The following LRRC8D variants were observed in gnomAD, a reference collection of about 807,000 sequenced individuals.
The protein encoded by LRRC8D is leucine rich repeat containing 8 VRAC subunit D, also known as volume-regulated anion channel subunit LRRC8D.
In LRRC8D, 20 loss-of-function variants were observed where a neutral mutation model predicts 55.8. The ratio of observed to expected loss-of-function variants is 0.36; its 90% CI spans 0.25 to 0.52. The LOEUF (loss-of-function observed/expected upper bound fraction) is 0.52. LRRC8D is among the 20% of genes least tolerant of loss of function. LRRC8D has a pLI of 0.93. For missense variants in LRRC8D, 651 were observed against 1,030.8 expected, an observed-to-expected ratio of 0.63 and a Z score of 5.05; for synonymous variants, 352 against 377.0, an observed-to-expected ratio of 0.93 and a Z score of 0.77.
intron 2 of LRRC8D, among the ~76,000 whole-genome samples, chr1:89,880,532 A>G (rs559332857): frequency 2.6e-5 from 4 of 151,826 alleles, no homozygotes; most frequent in African/African-American, 9.7e-5. Flanking sequence ...CATTATCCAT[A>G]ACATGAGTAA....
intron 2 of LRRC8D, among the ~76,000 whole-genome samples, chr1:89,908,335 A>G (rs1663046351): frequency 6.6e-6 from 1 of 152,220 alleles, no homozygotes; most frequent in Non-Finnish European, 1.5e-5. Flanking sequence ...TTGTCATTTC[A>G]TAGACACAAG....
chr1:89,935,253 C>T lies in LRRC8D; in HGVS notation c.2185C>T (p.Gln729Ter). ...CTTACCAGTGGCAGTATTTAGTTTA[C>T]AGAAACTCAGATGCTTAGATGTGAG... Reference protein sequence around the residue: ...ESLPVAVFSLQKLRCLDVSYN... With the variant: ...ESLPVAVFSL The change falls in exon 3 of 3, where the codon CAG becomes TAG. Residue 729 changes from glutamine to a stop codon, truncating the protein, a stop_gained. Transcript: ENST00000337338. LOFTEE classifies it high-confidence loss of function. 1.2e-6 allele frequency: 2 copies of T among 1,614,094 alleles called. No individual in the cohort carries two copies. The highest frequency in any genetic ancestry group is 1.3e-5 in the African/African-American group (1 of 75,046).
chr1:89,928,327 TC>T (rs1663619476), intron 2 of LRRC8D, among the ~76,000 whole-genome samples: 1 of 152,072 alleles, frequency 6.6e-6, no homozygotes, highest in African/African-American at 2.4e-5. Context: ...CACCTCGGCC[TC>T]CCAAAGTGCT....
At chr1:89,839,432 A>C (rs986619554) in intron 1 of LRRC8D, among the ~76,000 whole-genome samples, 3 of 152,206 alleles carry the variant, frequency 2.0e-5, no homozygotes, top group Non-Finnish European at 4.4e-5. Context: ...GGGGTGCTTT[A>C]AGTAGTGCTT....
intron 2 of LRRC8D, among the ~76,000 whole-genome samples, chr1:89,848,274 G>C (rs1661329109): frequency 6.6e-6 from 1 of 152,144 alleles, no homozygotes; most frequent in Non-Finnish European, 1.5e-5. Context: ...TGTGAGGCCA[G>C]TTTCAGAATC....
intron 2 of LRRC8D, among the ~76,000 whole-genome samples, chr1:89,853,345 T>A (rs1661469338): frequency 6.6e-6 from 1 of 152,076 alleles, no homozygotes; most frequent in African/African-American, 2.4e-5. Context: ...ATTCTTTTGA[T>A]CTTAAGAGGC....
chr1:89,856,474 A>G (rs1661556504), intron 2 of LRRC8D, among the ~76,000 whole-genome samples: 2 of 152,358 alleles, frequency 1.3e-5, no homozygotes, highest in African/African-American at 4.8e-5. Context: ...GTGGGATACA[A>G]GCAAGATGAG....
chr1:89,914,740 TA>T (rs1663218594), intron 2 of LRRC8D, among the ~76,000 whole-genome samples: 1 of 152,012 alleles, frequency 6.6e-6, no homozygotes, highest in Non-Finnish European at 1.5e-5. Flanking sequence ...ATTGTCTTTT[TA>T]AAAATTTTTT....
intron 2 of LRRC8D, among the ~76,000 whole-genome samples, chr1:89,875,323 G>A (rs1424514027): frequency 6.6e-6 from 1 of 152,068 alleles, no homozygotes; most frequent in African/African-American, 2.4e-5. Context: ...ATCATAATAG[G>A]TGTCCATTAA....
chr1:89,894,207 C>G (rs537221427), intron 2 of LRRC8D, among the ~76,000 whole-genome samples: 1 of 152,198 alleles, frequency 6.6e-6, no homozygotes, highest in Non-Finnish European at 1.5e-5. Flanking sequence ...TCACCAAACT[C>G]GGCTGTGTTG....
intron 2 of LRRC8D, among the ~76,000 whole-genome samples, chr1:89,851,229 G>A (rs2100766662): frequency 6.6e-6 from 1 of 152,200 alleles, no homozygotes; most frequent in South Asian, 2.1e-4. Flanking sequence ...TCCTGGTACG[G>A]CTTTTGAATG....
chr1:89,832,377 A>G (rs986830053), intron 1 of LRRC8D, among the ~76,000 whole-genome samples: 8 of 152,166 alleles, frequency 5.3e-5, no homozygotes, highest in African/African-American at 1.9e-4. Flanking sequence ...GAGGGGAACA[A>G]CGTCTTTTCA....
intron 1 of LRRC8D, among the ~76,000 whole-genome samples, chr1:89,841,905 C>T (rs1490582831): frequency 2.6e-5 from 4 of 152,148 alleles, no homozygotes. Context: ...CTGTGCTGGA[C>T]TTTCTCCCTA....
chr1:89,933,328 A>G lies in LRRC8D; in HGVS notation c.260A>G (p.Asn87Ser). Residue 87 changes from asparagine (N) to serine (S), a missense_variant, in exon 3 of 3, where the codon AAC (asparagine) becomes AGC (serine). Asn to Ser is a conservative substitution (Grantham distance 46, BLOSUM62 1). Transcript: ENST00000337338. The surrounding 1 kb of genome is among the most constrained non-coding windows in gnomAD (Gnocchi z 7.0). The stretch of plus-strand genomic sequence containing the variant: ...ATCCCAAAGATGGAAGCAGCCACCA[A>G]CCAAGACCAAGATGGGCGGACAACA... ...TNIPKMEAAT[N>S]QDQDGRTTND... 6.2e-7 allele frequency: 1 copy of G among 1,614,180 alleles called. No homozygotes were observed. The highest frequency in any genetic ancestry group is 1.6e-4 in the Middle Eastern group (1 of 6,062).
intron 1 of LRRC8D, among the ~76,000 whole-genome samples, chr1:89,840,168 C>A (rs1358748060): frequency 6.6e-6 from 1 of 152,118 alleles, no homozygotes; most frequent in Non-Finnish European, 1.5e-5. Flanking sequence ...CGCATTTTTT[C>A]TTTTTATGAG....
chr1:89,835,662 C>T (rs1388113409), intron 1 of LRRC8D, among the ~76,000 whole-genome samples: 1 of 152,148 alleles, frequency 6.6e-6, no homozygotes, highest in Non-Finnish European at 1.5e-5. Flanking sequence ...CCTTTCTAGC[C>T]ATGGGAACAT....
At chr1:89,836,417 C>G (rs1661006886) in intron 1 of LRRC8D, among the ~76,000 whole-genome samples, 3 of 152,204 alleles carry the variant, frequency 2.0e-5, no homozygotes, top group Non-Finnish European at 4.4e-5. Flanking sequence ...TGTTTGCAAA[C>G]CATTCTCATG....
At chr1:89,881,480 G>C (rs998430677) in intron 2 of LRRC8D, among the ~76,000 whole-genome samples, 2 of 152,184 alleles carry the variant, frequency 1.3e-5, no homozygotes, top group Admixed American at 1.3e-4. Context: ...TTGTCAGTCA[G>C]CATGGTGACT....
chr1:89,854,404 A>C (rs1661499288), intron 2 of LRRC8D, among the ~76,000 whole-genome samples: 2 of 151,656 alleles, frequency 1.3e-5, no homozygotes, highest in Admixed American at 1.3e-4. Context: ...TGTTTGATAG[A>C]GTACTGTAAT....
Sources: allele counts gnomAD v4.1 joint callset (sites outside exome capture counted in the v4.1 genomes callset), GRCh38; gene constraint gnomAD v4.1.1; non-coding constraint Gnocchi (gnomAD v3.1); transcripts MANE v1.5; gene names NCBI Gene and HGNC (gene_info 2026-07-23, HGNC 2026-07-21).